Variants in DYRK1A observed in about 807,000 individuals in gnomAD.
DYRK1A encodes the protein dual specificity tyrosine-phosphorylation-regulated kinase 1A.
DYRK1A carries 9 observed loss-of-function variants against 79.7 expected under a neutral mutation model. That is an observed-to-expected ratio of 0.11 (90% confidence interval 0.07 to 0.20). The LOEUF (loss-of-function observed/expected upper bound fraction) is 0.20. Ranked by LOEUF, DYRK1A falls within the 10% of genes least tolerant of loss-of-function variation. The probability of loss-of-function intolerance (pLI) is 1.00; values close to 1 mark genes in which losing one functional copy is unlikely to be tolerated. For synonymous variants in DYRK1A, 349 were observed against 329.7 expected, an observed-to-expected ratio of 1.06 and a Z score of -0.63; for missense variants, 622 against 956.0, an observed-to-expected ratio of 0.65 and a Z score of 4.61.
At chr21:37,405,967 C>T (rs1233449798) in intron 1 of DYRK1A, among the ~76,000 whole-genome samples, 7 of 151,520 alleles carry the variant, frequency 4.6e-5, no homozygotes, top group African/African-American at 1.7e-4. Context: ...AATAAGTTCT[C>T]ATTGTTGATG....
chr21:37,372,042 C>T (rs945749789), intron 1 of DYRK1A, among the ~76,000 whole-genome samples: 1 of 151,952 alleles, frequency 6.6e-6, no homozygotes, highest in Non-Finnish European at 1.5e-5. Context: ...TCTACCAGAG[C>T]TATGCATTTT....
intron 1 of DYRK1A, among the ~76,000 whole-genome samples, chr21:37,404,500 C>G (rs566491735): frequency 1.3e-5 from 2 of 152,276 alleles, no homozygotes; most frequent in South Asian, 4.1e-4. Flanking sequence ...TTCTGGAGGT[C>G]CCCTTCTGTG....
chr21:37,377,439 G>T (rs192376737), intron 1 of DYRK1A, among the ~76,000 whole-genome samples: 1 of 151,832 alleles, frequency 6.6e-6, no homozygotes, highest in African/African-American at 2.4e-5. Context: ...CTTGACCTAT[G>T]TTAGAAATAT....
At chr21:37,366,506 T>C (rs1238566625), upstream of DYRK1A, among the ~76,000 whole-genome samples, 3 of 134,078 alleles carry the variant, frequency 2.2e-5, no homozygotes, top group Non-Finnish European at 4.9e-5. Context: ...TCCCTCGGCC[T>C]AGCCGTCCCC....
Position 37,426,693 on chromosome 21 carries a change from G to A in DYRK1A, c.10+6309G>A, listed in dbSNP as rs374333831. On this transcript the variant is annotated intron_variant, in intron 2 of 11. Coordinates refer to ENST00000647188, the MANE Select transcript of DYRK1A (RefSeq NM_001347721.2). Reference sequence around the variant, plus strand: ...TGGGAGGCCGAGGCGGGCAGATCACGAGGTCAGGAGATCGAGACCATCCTG... The same window carrying A: ...TGGGAGGCCGAGGCGGGCAGATCACAAGGTCAGGAGATCGAGACCATCCTG... Among the ~76,000 whole-genome samples the A allele has an allele frequency of 5.6e-4, 84 of 150,930 alleles. No homozygotes were observed. The East Asian group carries it at 0.015, about 27-fold the overall frequency.
intron 2 of DYRK1A, among the ~76,000 whole-genome samples, chr21:37,441,654 T>A (rs914148654): frequency 1.3e-5 from 2 of 152,134 alleles, no homozygotes; most frequent in African/African-American, 4.8e-5. Flanking sequence ...GACCATACCA[T>A]AGTATTCTTC....
At chr21:37,366,178 G>A (rs1032202197), upstream of DYRK1A, 1 of 151,150 alleles carries the variant, frequency 6.6e-6, no homozygotes, top group African/African-American at 2.4e-5. Context: ...CGCGGCGCCC[G>A]GACCGCGGTG....
intron 2 of DYRK1A, among the ~76,000 whole-genome samples, chr21:37,446,247 A>T (rs1323709356): frequency 6.6e-6 from 1 of 152,206 alleles, no homozygotes; most frequent in Non-Finnish European, 1.5e-5. Context: ...GTAATGGATT[A>T]CATTGCTGTC....
At chr21:37,488,683 G>A in intron 6 of DYRK1A, 1 of 985,322 alleles carries the variant, frequency 1.0e-6, no homozygotes, top group Non-Finnish European at 1.2e-6. Flanking sequence ...AATGAATAAA[G>A]AATTGTGAGG....
chr21:37,505,690 G>T, intron 10 of DYRK1A, 101 bp downstream of exon 10: 1 of 1,277,968 alleles, frequency 7.8e-7, no homozygotes, highest in Non-Finnish European at 1.1e-6. Context: ...AATAGAGTGG[G>T]GAGCAGTTAC....
At chr21:37,369,064 C>T (rs1375268212) in intron 1 of DYRK1A, among the ~76,000 whole-genome samples, 1 of 152,016 alleles carries the variant, frequency 6.6e-6, no homozygotes, top group African/African-American at 2.4e-5. Flanking sequence ...TGATTATAGT[C>T]ATTTTTTGAG....
intron 9 of DYRK1A, 36 bp downstream of exon 9, chr21:37,496,294 A>G (rs2053267363): frequency 1.3e-6 from 2 of 1,577,792 alleles, no homozygotes; most frequent in African/African-American, 2.7e-5. Context: ...AGCCTTTATT[A>G]AATTTCTTTA....
At chr21:37,484,835 C>T (rs1203627096) in intron 5 of DYRK1A, among the ~76,000 whole-genome samples, 1 of 152,168 alleles carries the variant, frequency 6.6e-6, no homozygotes, top group Non-Finnish European at 1.5e-5. Context: ...TCCTGCTTGA[C>T]GTTGAACTCC....
intron 9 of DYRK1A, chr21:37,503,112 A>AT (rs1346592639): frequency 6.6e-6 from 1 of 151,090 alleles, no homozygotes; most frequent in African/African-American, 2.4e-5. Context: ...TTTTCTTTGT[A>AT]TTTTTTCTCC....
chr21:37,488,722 G>A (rs1320083427), intron 6 of DYRK1A: 3 of 985,176 alleles, frequency 3.0e-6, no homozygotes, highest in Admixed American at 6.2e-5. Flanking sequence ...ATCTTTCATT[G>A]GACGAACATT....
intron 2 of DYRK1A, among the ~76,000 whole-genome samples, chr21:37,441,432 T>G (rs2051100204): frequency 6.6e-6 from 1 of 152,166 alleles, no homozygotes; most frequent in South Asian, 2.1e-4. Context: ...GCTATTTATT[T>G]CCTATTTGTG....
intron 1 of DYRK1A, among the ~76,000 whole-genome samples, chr21:37,411,845 C>CA (rs1324427436): frequency 1.3e-5 from 2 of 152,180 alleles, no homozygotes; most frequent in African/African-American, 4.8e-5. Flanking sequence ...TTTTTTCCTG[C>CA]ACATAACTAC....
At chr21:37,474,328 A>G (rs2052326036) in intron 3 of DYRK1A, among the ~76,000 whole-genome samples, 1 of 152,266 alleles carries the variant, frequency 6.6e-6, no homozygotes, top group African/African-American at 2.4e-5. Context: ...CATATAAAAT[A>G]AGAGATATTT....
intron 3 of DYRK1A, among the ~76,000 whole-genome samples, chr21:37,477,543 G>A (rs1228375814): frequency 6.6e-6 from 1 of 152,142 alleles, no homozygotes; most frequent in Non-Finnish European, 1.5e-5. Context: ...TGCTCACGGT[G>A]GAACCCCTCA....
Sources: gnomAD v4.1 joint callset for allele counts (sites outside exome capture counted in the v4.1 genomes callset) on GRCh38, gnomAD v4.1.1 for gene constraint, MANE v1.5 for transcripts, NCBI Gene and HGNC (gene_info 2026-07-23, HGNC 2026-07-21) for gene names.